The following PCSK5 variants were observed in gnomAD, a reference collection of about 807,000 sequenced individuals.
PCSK5 encodes the protein proprotein convertase subtilisin/kexin type 5.
Under a neutral mutation model 233.2 loss-of-function variants are expected in PCSK5, and 129 were observed. That is an observed-to-expected ratio of 0.55 (90% CI 0.48 to 0.64). The LOEUF (loss-of-function observed/expected upper bound fraction) is 0.64. PCSK5 is among the 30% of genes least tolerant of loss of function. The pLI is 0.00. For synonymous variants in PCSK5, 825 were observed against 879.2 expected (o/e 0.94, Z 1.09); for missense variants, 2,076 against 2,430.1 (o/e 0.85, Z 3.06).
intron 1 of PCSK5, among the ~76,000 whole-genome samples, chr9:75,913,262 C>T (rs2131236421): frequency 6.6e-6 from 1 of 152,352 alleles, no homozygotes; most frequent in South Asian, 2.1e-4. Flanking sequence ...TTTCTCTTTT[C>T]ATTACCATCA....
intron 8 of PCSK5, among the ~76,000 whole-genome samples, chr9:76,101,736 G>T (rs921875515): frequency 1.3e-5 from 2 of 152,182 alleles, no homozygotes; most frequent in African/African-American, 4.8e-5. Context: ...AAACAAAGTT[G>T]CTGCCTGGGG....
chr9:76,065,358 C>T (rs1830248779), intron 5 of PCSK5, among the ~76,000 whole-genome samples: 1 of 152,120 alleles, frequency 6.6e-6, no homozygotes, highest in Non-Finnish European at 1.5e-5. Context: ...TAATAGTCAC[C>T]TTAACCAGGG....
intron 24 of PCSK5, among the ~76,000 whole-genome samples, chr9:76,262,952 CA>C (rs1827225246): frequency 6.6e-6 from 1 of 151,554 alleles, no homozygotes; most frequent in East Asian, 1.9e-4. Context: ...ACAACCCCAT[CA>C]AAAATTGGGC....
intron 10 of PCSK5, among the ~76,000 whole-genome samples, chr9:76,154,905 C>A (rs888402824): frequency 1.3e-5 from 2 of 152,126 alleles, no homozygotes; most frequent in Non-Finnish European, 2.9e-5. Flanking sequence ...GTACCTCTGT[C>A]CCTTTTTAAT....
chr9:76,277,328 T>C (rs1200850773), intron 24 of PCSK5, among the ~76,000 whole-genome samples: 1 of 152,242 alleles, frequency 6.6e-6, no homozygotes, highest in Non-Finnish European at 1.5e-5. Flanking sequence ...TGTACAGCGT[T>C]AGTGAGTGAT....
intron 7 of PCSK5, among the ~76,000 whole-genome samples, chr9:76,094,568 C>T (rs1350003774): frequency 6.6e-6 from 1 of 152,088 alleles, no homozygotes; most frequent in Non-Finnish European, 1.5e-5. Flanking sequence ...CTATATTCTA[C>T]TTTGCTTCTA....
chr9:76,163,022 A>C (rs1337079058), intron 12 of PCSK5, among the ~76,000 whole-genome samples: 1 of 152,138 alleles, frequency 6.6e-6, no homozygotes, highest in Non-Finnish European at 1.5e-5. Context: ...GCAATGAAAA[A>C]ACCAGAGACC....
intron 3 of PCSK5, among the ~76,000 whole-genome samples, chr9:76,015,205 C>A (rs1452985648): frequency 6.6e-6 from 1 of 152,182 alleles, no homozygotes; most frequent in East Asian, 1.9e-4. Flanking sequence ...TGTCTCAGCT[C>A]TACCAGAGAA....
In PCSK5 at chr9:76,319,602, G is replaced by A. The variant is rs538761341; in HGVS notation, c.3885-1820G>A. 3.9e-5 allele frequency among the ~76,000 whole-genome samples: 6 copies of A among 152,194 alleles called. No individual in the cohort carries two copies. In the South Asian group the frequency reaches 1.0e-3, roughly 26 times the overall value. ...GTCGAGCGGTAACGCCAGTGTCTGGGAAGGCACCCGTTACTTAGCAGACCG... is the reference window on the plus strand; with the variant it reads ...GTCGAGCGGTAACGCCAGTGTCTGGAAAGGCACCCGTTACTTAGCAGACCG... On this transcript the variant is annotated intron_variant, in intron 30 of 37. Transcript: ENST00000674117.
chr9:76,106,942 C>A (rs534623522), intron 8 of PCSK5, among the ~76,000 whole-genome samples: 2 of 152,338 alleles, frequency 1.3e-5, no homozygotes, highest in East Asian at 3.9e-4. Context: ...GAGAAGCAAG[C>A]AAGATGCTTA....
chr9:76,184,292 A>G (rs1824000901), intron 16 of PCSK5, among the ~76,000 whole-genome samples: 1 of 152,044 alleles, frequency 6.6e-6, no homozygotes, highest in Admixed American at 6.6e-5. Context: ...TTGCCTTTCA[A>G]TCCCTATACA....
At position 76,328,019 on chromosome 9, in the gene PCSK5, G is replaced by C; in HGVS notation, c.4350G>C (p.Lys1450Asn). The change falls in exon 33 of 38, where the codon AAG (lysine) becomes AAC (asparagine). Residue 1450 changes from lysine (K) to asparagine (N), a missense_variant. Physicochemically the swap from Lys to Asn is moderately conservative, Grantham distance 94. Coordinates refer to ENST00000674117, the MANE Select transcript of PCSK5 (RefSeq NM_001372043.1). ...KETKECRDCH[K>N]SCLTCSSSGT... Reference sequence around the variant, plus strand: ...CCTCCACGCCCACAGATTGCCACAAGTCCTGCTTGACCTGCTCATCATCTG... The same window carrying C: ...CCTCCACGCCCACAGATTGCCACAACTCCTGCTTGACCTGCTCATCATCTG... 6.2e-7 allele frequency: 1 copy of C among 1,611,448 alleles called. No individual in the cohort carries two copies. The highest frequency in any genetic ancestry group is 8.5e-7 in the Non-Finnish European group (1 of 1,178,628).
intron 1 of PCSK5, among the ~76,000 whole-genome samples, chr9:75,927,598 G>T (rs1355307725): frequency 6.6e-6 from 1 of 152,150 alleles, no homozygotes; most frequent in African/African-American, 2.4e-5. Flanking sequence ...TTAGACTGTT[G>T]AGGGGTTTCG....
intron 7 of PCSK5, among the ~76,000 whole-genome samples, chr9:76,094,809 C>T (rs1407132858): frequency 6.6e-6 from 1 of 152,068 alleles, no homozygotes; most frequent in Non-Finnish European, 1.5e-5. Context: ...AGAGTTTCCC[C>T]ATGTTGGACA....
At chr9:75,944,177 G>GAA (rs67822628) in intron 2 of PCSK5, among the ~76,000 whole-genome samples, 36 of 141,762 alleles carry the variant, frequency 2.5e-4, no homozygotes, top group African/African-American at 8.6e-4. Context: ...AAGAAAGAAA[G>GAA]AAAAAAAATA....
At chr9:75,948,351 C>T (rs944793941) in intron 2 of PCSK5, among the ~76,000 whole-genome samples, 7 of 141,870 alleles carry the variant, frequency 4.9e-5, no homozygotes, top group Admixed American at 7.3e-5. Flanking sequence ...TGATGTTCCC[C>T]GCTCTGTGTC....
chr9:75,929,383 T>G (rs1564088687), intron 1 of PCSK5, among the ~76,000 whole-genome samples: 1 of 151,532 alleles, frequency 6.6e-6, no homozygotes, highest in Non-Finnish European at 1.5e-5. Context: ...GACACAGGCA[T>G]TAAACCAGTA....
intron 6 of PCSK5, 63 bp from the exon 7 acceptor site, chr9:76,071,663 C>G: frequency 1.5e-6 from 2 of 1,352,822 alleles, no homozygotes; most frequent in South Asian, 1.4e-5. Context: ...TCCTGCAGCT[C>G]TGTTCTTTGA....
rs142928109 is a variant in PCSK5 at position 76,321,598 on chromosome 9, C to T, written c.4061C>T (p.Pro1354Leu). The change falls in exon 31 of 38, where the codon CCA (proline) becomes CTA (leucine). Residue 1354 changes from proline to leucine, a missense_variant. Pro to Leu is a moderately conservative substitution (Grantham distance 98). This residue lies in a region of PCSK5 where 1,510 missense variants were observed against 1,538.1 expected (regional missense o/e 0.98). Coordinates refer to ENST00000674117, the MANE Select transcript of PCSK5 (RefSeq NM_001372043.1). ...VAVKGVCKHC[P>L]EMCQDCIHEK... ...GTGAAGGGGGTATGCAAGCATTGCC[C>T]AGAGATGTGTCAGGACTGCATCCAT... 3.7e-6 allele frequency: 6 copies of T among 1,612,450 alleles called. No individual in the cohort carries two copies. Among genetic ancestry groups the T allele is most frequent in the East Asian group, 2.2e-5 (1 of 44,854 alleles).
Sources: allele counts gnomAD v4.1 joint callset (sites outside exome capture counted in the v4.1 genomes callset), GRCh38; gene constraint gnomAD v4.1.1; regional missense constraint gnomAD v4.1.1; transcripts MANE v1.5; gene names NCBI Gene and HGNC (gene_info 2026-07-23, HGNC 2026-07-21).